WIPF1: variants seen among roughly 807,000 people sequenced by gnomAD.
WIPF1 encodes WAS/WASL interacting protein family member 1.
WIPF1 carries 13 observed loss-of-function variants against 35.4 expected under a neutral mutation model. The ratio of observed to expected loss-of-function variants is 0.37; its 90% confidence interval spans 0.24 to 0.58. WIPF1 has a LOEUF of 0.58. Among genes scored for constraint, WIPF1 ranks in the 20% least tolerant of loss-of-function variants. The pLI is 0.74. For synonymous variants in WIPF1, 267 were observed against 266.3 expected, an observed-to-expected ratio of 1.00 and a Z score of -0.02; for missense variants, 591 against 667.0, an observed-to-expected ratio of 0.89 and a Z score of 1.25.
At chr2:174,585,433 A>G in intron 2 of WIPF1, 90 bp downstream of exon 2, 1 of 1,355,784 alleles carries the variant, frequency 7.4e-7, no homozygotes, top group African/African-American at 1.4e-5. Context: ...CCAGAATGCA[A>G]ACACATTTAA....
intron 1 of WIPF1, among the ~76,000 whole-genome samples, chr2:174,627,710 C>A (rs539554022): frequency 6.6e-6 from 1 of 151,902 alleles, no homozygotes; most frequent in Non-Finnish European, 1.5e-5. Context: ...CCAAACCTGG[C>A]TAATTTTTAA....
At chr2:174,656,325 T>C (rs1156484630) in intron 1 of WIPF1, 3 of 152,198 alleles carry the variant, frequency 2.0e-5, no homozygotes, top group Admixed American at 6.5e-5. Context: ...TACATAGCAA[T>C]ATGTAACTGT....
intron 1 of WIPF1, among the ~76,000 whole-genome samples, chr2:174,662,428 G>C (rs971884151): frequency 1.3e-5 from 2 of 152,176 alleles, no homozygotes; most frequent in Non-Finnish European, 2.9e-5. Context: ...TTAGCCTCTA[G>C]AGGACAGGAT....
At chr2:174,584,018 G>T (rs1389954509) in intron 2 of WIPF1, among the ~76,000 whole-genome samples, 7 of 151,978 alleles carry the variant, frequency 4.6e-5, no homozygotes, top group Non-Finnish European at 7.4e-5. Flanking sequence ...GTAGATATGG[G>T]GGTCTCGCCA....
At chr2:174,585,875 T>C (rs1196539120) in intron 1 of WIPF1, among the ~76,000 whole-genome samples, 1 of 152,200 alleles carries the variant, frequency 6.6e-6, no homozygotes, top group Non-Finnish European at 1.5e-5. Flanking sequence ...CAGTAGGCCA[T>C]GACCGACCCA....
chr2:174,651,074 T>C (rs941800319), intron 1 of WIPF1, among the ~76,000 whole-genome samples: 13 of 152,384 alleles, frequency 8.5e-5, no homozygotes, highest in African/African-American at 3.1e-4. Flanking sequence ...AGATCTGCCC[T>C]GTGATCTGCA....
intron 3 of WIPF1, among the ~76,000 whole-genome samples, chr2:174,580,504 G>C (rs1685201023): frequency 6.6e-6 from 1 of 152,160 alleles, no homozygotes; most frequent in Admixed American, 6.5e-5. Flanking sequence ...GATCCATCTG[G>C]TGATTTTGGA....
chr2:174,595,233 G>C (rs1255804352), intron 1 of WIPF1, among the ~76,000 whole-genome samples: 3 of 139,226 alleles, frequency 2.2e-5, no homozygotes, highest in Non-Finnish European at 4.6e-5. Flanking sequence ...TGAGGGTGCA[G>C]TGAGCTGTGA....
In WIPF1 at chr2:174,571,912, G is replaced by C. The variant is rs575913592; in HGVS notation, c.893C>G (p.Pro298Arg). 31 of 1,609,136 alleles carry C rather than the reference G, an allele frequency of 1.9e-5. No individual in the cohort carries two copies. Among genetic ancestry groups the C allele is most frequent in the African/African-American group, 2.7e-5 (2 of 74,808 alleles). Residue 298 changes from proline to arginine, a missense_variant, in exon 5 of 8, where the codon CCG becomes CGG. Transcript: ENST00000679041. This position sits in a 1 kb window ranked among gnomAD's most constrained non-coding sequence, Gnocchi z 4.6. Reference sequence around the variant, plus strand: ...GGCCTGTGAGGAGGCCGAAGGCCGCGGAGTGGAAGGCACTGGAGGCTTGTT... The same window carrying C: ...GGCCTGTGAGGAGGCCGAAGGCCGCCGAGTGGAAGGCACTGGAGGCTTGTT... Reference protein sequence around the residue: ...QNNKPPVPSTPRPSASSQAPP... With the variant: ...QNNKPPVPSTRRPSASSQAPP...
intron 1 of WIPF1, among the ~76,000 whole-genome samples, chr2:174,589,813 C>T (rs1413502412): frequency 1.3e-5 from 2 of 152,210 alleles, no homozygotes; most frequent in Admixed American, 6.5e-5. Flanking sequence ...CGTTTAGATC[C>T]ATTGCTAGAT....
intron 1 of WIPF1, chr2:174,630,369 T>C (rs1367521563): frequency 6.6e-6 from 1 of 152,212 alleles, no homozygotes; most frequent in Non-Finnish European, 1.5e-5. Flanking sequence ...TGAGTGGTAA[T>C]GTGAATACCT....
chr2:174,646,054 T>G (rs1055509555), intron 1 of WIPF1, among the ~76,000 whole-genome samples: 2 of 152,164 alleles, frequency 1.3e-5, no homozygotes, highest in African/African-American at 2.4e-5. Flanking sequence ...GCTCCTTTCT[T>G]TTGGGCAGAA....
intron 3 of WIPF1, among the ~76,000 whole-genome samples, chr2:174,579,593 T>A (rs1470330634): frequency 6.6e-6 from 1 of 152,214 alleles, no homozygotes; most frequent in East Asian, 1.9e-4. Flanking sequence ...CTTCCTTCCA[T>A]CAAGGAAAGC....
chr2:174,575,099 C>T, intron 4 of WIPF1, 105 bp downstream of exon 4: 1 of 1,238,974 alleles, frequency 8.1e-7, no homozygotes, highest in Non-Finnish European at 1.1e-6. Context: ...AAACAATGTA[C>T]AATATTTTAA....
rs369873726 is a variant in WIPF1 at position 174,634,164 on chromosome 2, AAC to A, written c.-38-48555_-38-48554del. Among the ~76,000 whole-genome samples the A allele has an allele frequency of 2.6e-4, 40 of 152,342 alleles. No homozygotes were observed. The East Asian group carries it at 5.6e-3, about 21-fold the overall frequency. ...TTTGAATGCCCCACAGATGTCTGCAAACACAGGCTGATCTGTCCCGTTTCACA... is the reference window on the plus strand; with the variant it reads ...TTTGAATGCCCCACAGATGTCTGCAAACAGGCTGATCTGTCCCGTTTCACA... On this transcript the variant is annotated intron_variant, in intron 1 of 8. Transcript: ENST00000272746.
At chr2:174,599,242 G>T (rs1685915511), upstream of WIPF1, among the ~76,000 whole-genome samples, 1 of 152,114 alleles carries the variant, frequency 6.6e-6, no homozygotes, top group East Asian at 1.9e-4. Flanking sequence ...AGTGGGTGGG[G>T]CCAGGAATGG....
chr2:174,621,870 T>C (rs1450485557), intron 1 of WIPF1, among the ~76,000 whole-genome samples: 1 of 152,208 alleles, frequency 6.6e-6, no homozygotes, highest in African/African-American at 2.4e-5. Flanking sequence ...CACAGTAGCC[T>C]ACCAGGGTGA....
chr2:174,578,213 C>A (rs1685124117), intron 3 of WIPF1, among the ~76,000 whole-genome samples: 1 of 152,204 alleles, frequency 6.6e-6, no homozygotes, highest in Non-Finnish European at 1.5e-5. Context: ...GACATTGCCA[C>A]ATATCCCCTG....
intron 1 of WIPF1, among the ~76,000 whole-genome samples, chr2:174,644,633 G>A (rs941710900): frequency 6.6e-6 from 1 of 152,190 alleles, no homozygotes; most frequent in African/African-American, 2.4e-5. Flanking sequence ...GGCTCTCAGG[G>A]TGGGTTTCCT....
Sources: gnomAD v4.1 joint callset for allele counts (sites outside exome capture counted in the v4.1 genomes callset) on GRCh38, gnomAD v4.1.1 for gene constraint, Gnocchi (gnomAD v3.1) non-coding constraint, MANE v1.5 for transcripts, NCBI Gene and HGNC (gene_info 2026-07-23, HGNC 2026-07-21) for gene names.